RBFOX3: variants seen among roughly 807,000 people sequenced by gnomAD.
The protein encoded by RBFOX3 is RNA binding fox-1 homolog 3, also known as RNA binding protein fox-1 homolog 3.
A neutral mutation model predicts 48.7 loss-of-function variants in RBFOX3; 17 were observed. The ratio of observed to expected loss-of-function variants is 0.35; its 90% CI spans 0.24 to 0.52. The LOEUF (loss-of-function observed/expected upper bound fraction) is 0.52, where lower values mean the gene tolerates loss of function less well. Ranked by LOEUF, RBFOX3 falls within the 20% of genes least tolerant of loss-of-function variation. The pLI is 0.94. For missense variants in RBFOX3, 382 were observed against 497.5 expected, an observed-to-expected ratio of 0.77 and a Z score of 2.21; for synonymous variants, 212 against 209.5, an observed-to-expected ratio of 1.01 and a Z score of -0.10.
At chr17:79,592,214 T>C (rs1446359852) in intron 1 of RBFOX3, among the ~76,000 whole-genome samples, 1 of 148,830 alleles carries the variant, frequency 6.7e-6, no homozygotes, top group Non-Finnish European at 1.5e-5. Context: ...TGCATGCATG[T>C]GTGTGTGGGG....
intron 4 of RBFOX3, among the ~76,000 whole-genome samples, chr17:79,155,840 G>A (rs576651805): frequency 1.3e-5 from 2 of 152,288 alleles, no homozygotes; most frequent in Admixed American, 6.5e-5. Flanking sequence ...CTCCCCTCCC[G>A]ATGGTGGCTG....
intron 4 of RBFOX3, among the ~76,000 whole-genome samples, chr17:79,185,040 C>A (rs2053113340): frequency 6.6e-6 from 1 of 152,118 alleles, no homozygotes; most frequent in East Asian, 1.9e-4. Context: ...TAGGAGGCTC[C>A]ATTTGAACAA....
At chr17:79,230,341 C>A (rs1194254635) in intron 4 of RBFOX3, among the ~76,000 whole-genome samples, 1 of 152,122 alleles carries the variant, frequency 6.6e-6, no homozygotes, top group South Asian at 2.1e-4. Flanking sequence ...CTCACTGCTA[C>A]CTCTGCCTCC....
chr17:79,651,625 C>CCT, the RBFOX3 span, among the ~76,000 whole-genome samples: 57,520 of 97,688 alleles, frequency 0.59, 21,218 homozygotes, highest in Non-Finnish European at 0.81. Context: ...TGCCCCCTTT[C>CCT]CTCTCTCTCT....
rs967397662 is a variant in RBFOX3, at chr17:79,254,945, G to A, written c.-73-19140C>T. 6.6e-6 allele frequency among the ~76,000 whole-genome samples: 1 copy of A among 152,172 alleles called. No individual in the cohort carries two copies. The highest frequency in any genetic ancestry group is 2.4e-5 in the African/African-American group (1 of 41,432). ...GACTCTTGCTCTAGGTAGGGCCTGG[G>A]GCAGGACTATGTGCCCTGAGCCCTC... On this transcript the variant is annotated intron_variant, in intron 3 of 14. Transcript: ENST00000693108. This position sits in a 1 kb window ranked among gnomAD's most constrained non-coding sequence, Gnocchi z 4.8.
chr17:79,253,041 G>A (rs980159473), intron 3 of RBFOX3, among the ~76,000 whole-genome samples: 1 of 152,210 alleles, frequency 6.6e-6, no homozygotes, highest in Non-Finnish European at 1.5e-5. Context: ...GGGTGGTGCT[G>A]TGTGGGAAGG....
chr17:79,460,517 CAGCCACTCTG>C (rs1380548810), intron 2 of RBFOX3, among the ~76,000 whole-genome samples: 11 of 152,220 alleles, frequency 7.2e-5, no homozygotes, highest in Admixed American at 5.2e-4. Flanking sequence ...CCCCATGCCC[CAGCCACTCTG>C]AGCTCTCTTG....
chr17:79,284,793 G>A (rs986327603), intron 3 of RBFOX3, among the ~76,000 whole-genome samples: 1 of 152,092 alleles, frequency 6.6e-6, no homozygotes, highest in Non-Finnish European at 1.5e-5. Context: ...ACCCACCTCG[G>A]CCTCCCAAAG....
In RBFOX3 at chr17:79,089,453, G is replaced by A. The variant is rs945103554; in HGVS notation, c.*1430C>T. 4.6e-5 allele frequency: 7 copies of A among 152,712 alleles called. No individual in the cohort carries two copies. Among genetic ancestry groups the A allele is most frequent in the African/African-American group, 9.7e-5 (4 of 41,404 alleles). 9.5% of individuals were successfully genotyped at this position (152,712 alleles called of 1,614,324 possible). A position where few individuals can be genotyped will look rare whatever the true frequency, so the allele number is the denominator to read the frequency against. ...TGGTAAGAAAGGAAGCCCGGGGCTCGGCTGCAGTCCTGGGGATCTGAGTGA... is the reference window on the plus strand; with the variant it reads ...TGGTAAGAAAGGAAGCCCGGGGCTCAGCTGCAGTCCTGGGGATCTGAGTGA... On this transcript the variant is annotated 3_prime_UTR_variant, in exon 15 of 15. Coordinates refer to ENST00000693108, the MANE Select transcript of RBFOX3 (RefSeq NM_001350451.2).
At chr17:79,334,116 T>C (rs1459362709) in intron 2 of RBFOX3, among the ~76,000 whole-genome samples, 2 of 152,122 alleles carry the variant, frequency 1.3e-5, no homozygotes, top group Non-Finnish European at 2.9e-5. Context: ...CCTTTTTCCA[T>C]CACCTCTTCC....
intron 1 of RBFOX3, among the ~76,000 whole-genome samples, chr17:79,485,169 C>T (rs928756819): frequency 6.0e-4 from 91 of 152,268 alleles, no homozygotes; most frequent in African/African-American, 2.0e-3. Context: ...CCGGGGCTCT[C>T]ACCCTTCCTG....
At chr17:79,237,637 G>A (rs1367081576) in intron 3 of RBFOX3, among the ~76,000 whole-genome samples, 1 of 152,230 alleles carries the variant, frequency 6.6e-6, no homozygotes, top group Non-Finnish European at 1.5e-5. Flanking sequence ...GGCAGTATTG[G>A]GTACTTCATA....
intron 1 of RBFOX3, among the ~76,000 whole-genome samples, chr17:79,540,566 C>G (rs1262399969): frequency 6.6e-6 from 1 of 152,230 alleles, no homozygotes; most frequent in Admixed American, 6.5e-5. Context: ...GTTCTCTCCT[C>G]CCACGCAATG....
intron 4 of RBFOX3, among the ~76,000 whole-genome samples, chr17:79,179,897 G>A (rs2051488807): frequency 6.6e-6 from 1 of 152,318 alleles, no homozygotes; most frequent in African/African-American, 2.4e-5. Flanking sequence ...GATGTTGGGG[G>A]ACCACGGCAC....
At chr17:79,656,798 GAAA>G in the RBFOX3 span, among the ~76,000 whole-genome samples, 1 of 4,716 alleles carries the variant, frequency 2.1e-4, no homozygotes, top group Admixed American at 4.7e-3. Flanking sequence ...AAGAAAGAAA[GAAA>G]GAAAGAAAAG....
At chr17:79,140,111 C>CA (rs1234618574) in intron 4 of RBFOX3, among the ~76,000 whole-genome samples, 1 of 152,252 alleles carries the variant, frequency 6.6e-6, no homozygotes, top group East Asian at 1.9e-4. Flanking sequence ...TCCCGCCCAG[C>CA]AATGACAGCC....
At chr17:79,633,883 T>C in the RBFOX3 span, among the ~76,000 whole-genome samples, 1 of 152,210 alleles carries the variant, frequency 6.6e-6, no homozygotes, top group Non-Finnish European at 1.5e-5. Context: ...ATTTTGCTTT[T>C]TTTAATTGTC....
chr17:79,302,462 C>T (rs1373103136), intron 3 of RBFOX3, among the ~76,000 whole-genome samples: 1 of 152,088 alleles, frequency 6.6e-6, no homozygotes, highest in Non-Finnish European at 1.5e-5. Context: ...GGTGGATCAC[C>T]TGAGGTCAGG....
intron 1 of RBFOX3, among the ~76,000 whole-genome samples, chr17:79,511,703 T>C (rs1424727328): frequency 6.6e-6 from 1 of 150,598 alleles, no homozygotes; most frequent in African/African-American, 2.5e-5. Context: ...TACAGCCCCA[T>C]GACCAGGGGA....
Sources: allele counts gnomAD v4.1 joint callset (sites outside exome capture counted in the v4.1 genomes callset), GRCh38; gene constraint gnomAD v4.1.1; non-coding constraint Gnocchi (gnomAD v3.1); transcripts MANE v1.5; gene names NCBI Gene and HGNC (gene_info 2026-07-23, HGNC 2026-07-21).